YAP1: variants seen among roughly 807,000 people sequenced by gnomAD.
YAP1 encodes the protein transcriptional coactivator YAP1.
YAP1 carries 5 observed loss-of-function variants against 56.9 expected under a neutral mutation model. The ratio of observed to expected loss-of-function variants is 0.09; its 90% CI spans 0.05 to 0.18. YAP1 has a LOEUF of 0.18. YAP1 is among the 10% of genes least tolerant of loss of function. The pLI is 1.00. For synonymous variants in YAP1, 265 were observed against 248.1 expected (o/e 1.07, Z -0.64); for missense variants, 539 against 651.8 (o/e 0.83, Z 1.88).
intron 4 of YAP1, among the ~76,000 whole-genome samples, chr11:102,205,579 C>G (rs1306572750): frequency 6.6e-6 from 1 of 151,960 alleles, no homozygotes; most frequent in East Asian, 1.9e-4. Flanking sequence ...CTCCCTTCCC[C>G]CACCCCGTTT....
intron 2 of YAP1, among the ~76,000 whole-genome samples, chr11:102,118,993 G>C (rs980012319): frequency 6.6e-6 from 1 of 151,824 alleles, no homozygotes; most frequent in South Asian, 2.1e-4. Context: ...AGTTGCACAC[G>C]TGCACATGTA....
Position 102,111,173 on chromosome 11 carries a change from A to T in YAP1, c.321+4A>T. 2 of 1,611,850 alleles carry T rather than the reference A, an allele frequency of 1.2e-6. No homozygotes were observed. The highest frequency in any genetic ancestry group is 1.1e-5 in the South Asian group (1 of 91,044). On this transcript the variant is annotated splice_donor_region_variant and intron_variant, in intron 1 of 8. Coordinates refer to ENST00000282441, the MANE Select transcript of YAP1 (RefSeq NM_001130145.3). ...GCCCAAATCCCACTCCCGACAGGTA[A>T]CCTCGTTGCCCCTCTCCCCGTTTCC...
chr11:102,135,492 C>T (rs1944624889), intron 2 of YAP1, among the ~76,000 whole-genome samples: 1 of 152,172 alleles, frequency 6.6e-6, no homozygotes, highest in Non-Finnish European at 1.5e-5. Flanking sequence ...CTGGGCTTAG[C>T]TGGAACTGTG....
At position 102,231,838 on chromosome 11, in the gene YAP1, C is replaced by T. The variant is rs1591490654; in HGVS notation, c.*1898C>T. 2 of 152,434 alleles carry T rather than the reference C, an allele frequency of 1.3e-5. No individual in the cohort carries two copies. The highest frequency in any genetic ancestry group is 3.4e-3 in the Middle Eastern group (1 of 294). 9.4% of individuals were successfully genotyped at this position (152,434 alleles called of 1,614,324 possible). A position where few individuals can be genotyped will look rare whatever the true frequency, so the allele number is the denominator to read the frequency against. ...TCAGCTTGGGAAGATAGATTTTTTT[C>T]CCCCCAATTACAAAATCTAAGTATT... On this transcript the variant is annotated 3_prime_UTR_variant, in exon 9 of 9. Coordinates refer to ENST00000282441, the MANE Select transcript of YAP1 (RefSeq NM_001130145.3).
At chr11:102,134,479 A>G (rs982748231) in intron 2 of YAP1, among the ~76,000 whole-genome samples, 8 of 147,982 alleles carry the variant, frequency 5.4e-5, no homozygotes, top group African/African-American at 1.7e-4. Context: ...ATGAAAAATT[A>G]TATATATTTA....
At chr11:102,210,058 T>C (rs1949319120) in intron 6 of YAP1, among the ~76,000 whole-genome samples, 1 of 152,128 alleles carries the variant, frequency 6.6e-6, no homozygotes, top group Non-Finnish European at 1.5e-5. Context: ...CAGGAGAGTA[T>C]CTGCCTGGAT....
chr11:102,121,605 C>G (rs1003293353), intron 2 of YAP1, among the ~76,000 whole-genome samples: 5 of 152,062 alleles, frequency 3.3e-5, no homozygotes, highest in Admixed American at 2.0e-4. Flanking sequence ...TGCCACCACC[C>G]CATTGGTCAC....
intron 4 of YAP1, among the ~76,000 whole-genome samples, chr11:102,202,308 C>CGTAG (rs1948906418): frequency 6.6e-6 from 1 of 150,406 alleles, no homozygotes; most frequent in African/African-American, 2.4e-5. Flanking sequence ...GTAGGTACTA[C>CGTAG]AGTCACCCGC....
intron 2 of YAP1, among the ~76,000 whole-genome samples, chr11:102,162,021 A>G (rs976843003): frequency 2.0e-5 from 3 of 152,182 alleles, no homozygotes; most frequent in African/African-American, 7.2e-5. Flanking sequence ...GTGGTGTTTT[A>G]CCTTAAAAAG....
rs769873665 is a variant in YAP1 at position 102,229,953 on chromosome 11, G to C, written c.*13G>C. 1 of 1,607,518 alleles carries C rather than the reference G, an allele frequency of 6.2e-7. No homozygotes were observed. The highest frequency in any genetic ancestry group is 1.1e-5 in the South Asian group (1 of 90,820). On this transcript the variant is annotated 3_prime_UTR_variant, in exon 9 of 9. Coordinates refer to ENST00000282441, the MANE Select transcript of YAP1 (RefSeq NM_001130145.3). Reference sequence around the variant, plus strand: ...TACATGGTTATAGAGCCCTCAGGCAGACTGAATTCTAAATCTGTGAAGGAT... The same window carrying C: ...TACATGGTTATAGAGCCCTCAGGCACACTGAATTCTAAATCTGTGAAGGAT...
intron 6 of YAP1, among the ~76,000 whole-genome samples, chr11:102,220,473 C>T (rs1202770338): frequency 6.6e-6 from 1 of 152,064 alleles, no homozygotes; most frequent in African/African-American, 2.4e-5. Flanking sequence ...AACAAATACA[C>T]TTTGGCATTG....
chr11:102,117,927 C>G (rs1043301702), intron 2 of YAP1, among the ~76,000 whole-genome samples: 1 of 152,174 alleles, frequency 6.6e-6, no homozygotes, highest in African/African-American at 2.4e-5. Context: ...GGAAATAGTT[C>G]TTCAAGTAGT....
At chr11:102,147,936 G>A (rs537475895) in intron 2 of YAP1, among the ~76,000 whole-genome samples, 1 of 152,178 alleles carries the variant, frequency 6.6e-6, no homozygotes, top group Non-Finnish European at 1.5e-5. Flanking sequence ...TGTGAAAGGA[G>A]AAGAAAATGT....
At chr11:102,152,049 C>T (rs1945687745) in intron 2 of YAP1, among the ~76,000 whole-genome samples, 1 of 152,160 alleles carries the variant, frequency 6.6e-6, no homozygotes, top group African/African-American at 2.4e-5. Flanking sequence ...ATATTTTCCC[C>T]ATAACTTAAG....
chr11:102,155,095 T>C (rs1591256205), intron 2 of YAP1, among the ~76,000 whole-genome samples: 1 of 152,240 alleles, frequency 6.6e-6, no homozygotes, highest in East Asian at 1.9e-4. Context: ...TTCACTGAGA[T>C]TGGGTAACCT....
At chr11:102,178,370 C>T (rs1947389194) in intron 3 of YAP1, among the ~76,000 whole-genome samples, 1 of 152,066 alleles carries the variant, frequency 6.6e-6, no homozygotes, top group Non-Finnish European at 1.5e-5. Flanking sequence ...TCTTTATTCC[C>T]AAATTGTGGG....
chr11:102,113,266 A>G (rs547055908), intron 1 of YAP1, among the ~76,000 whole-genome samples: 3 of 152,352 alleles, frequency 2.0e-5, no homozygotes, highest in Admixed American at 1.3e-4. Context: ...TGTAAATACT[A>G]TTGTTCACAA....
chr11:102,181,183 C>T (rs759425895), intron 3 of YAP1, among the ~76,000 whole-genome samples: 7 of 151,816 alleles, frequency 4.6e-5, no homozygotes, highest in Non-Finnish European at 1.0e-4. Context: ...CGGTGGCTCA[C>T]GCCTGTAATC....
chr11:102,129,990 G>A (rs1944280492), intron 2 of YAP1, among the ~76,000 whole-genome samples: 1 of 151,554 alleles, frequency 6.6e-6, no homozygotes. Flanking sequence ...TGTAGAGATG[G>A]GGTTTTGAAC....
Sources: gnomAD v4.1 joint callset for allele counts (sites outside exome capture counted in the v4.1 genomes callset) on GRCh38, gnomAD v4.1.1 for gene constraint, MANE v1.5 for transcripts, NCBI Gene and HGNC (gene_info 2026-07-23, HGNC 2026-07-21) for gene names.